Variants in TDRD9 observed in about 807,000 individuals in gnomAD.
The protein encoded by TDRD9 is tudor domain containing 9, also known as ATP-dependent RNA helicase TDRD9.
A neutral mutation model predicts 172.6 loss-of-function variants in TDRD9; 124 were observed. The observed-to-expected ratio is 0.72, with a 90% CI of 0.62 to 0.83. The LOEUF (loss-of-function observed/expected upper bound fraction) is 0.83. TDRD9 is among the 40% of genes least tolerant of loss of function. The pLI is 0.00. For synonymous variants in TDRD9, 619 were observed against 617.1 expected, an observed-to-expected ratio of 1.00 and a Z score of -0.05; for missense variants, 1,479 against 1,714.1, an observed-to-expected ratio of 0.86 and a Z score of 2.42.
At chr14:103,934,466 G>A (rs959887589) in intron 1 of TDRD9, among the ~76,000 whole-genome samples, 2 of 151,886 alleles carry the variant, frequency 1.3e-5, no homozygotes, top group Non-Finnish European at 1.5e-5. Flanking sequence ...GTGTGGTCAC[G>A]GAGCTAACAG....
chr14:103,984,555 G>A (rs34288430), intron 7 of TDRD9, among the ~76,000 whole-genome samples: 34,140 of 152,178 alleles, frequency 0.22, 4,790 homozygotes, highest in South Asian at 0.44. Flanking sequence ...CAAGAATTGG[G>A]GTTTGGGAAC....
At position 103,986,226 on chromosome 14, in the gene TDRD9, C is replaced by T; in HGVS notation, c.1021C>T (p.His341Tyr). Residue 341 changes from histidine to tyrosine, a missense_variant, in exon 8 of 36, where the codon CAT becomes TAT. Physicochemically the swap from His to Tyr is moderately conservative, Grantham distance 83 (BLOSUM62 2). Transcript: ENST00000409874. ...CTTTCACTGTTTTTAGCTCTCTCCTCATCTCCTGGAGGAACCGGTGATAAC... is the reference window on the plus strand; with the variant it reads ...CTTTCACTGTTTTTAGCTCTCTCCTTATCTCCTGGAGGAACCGGTGATAAC... ...EHIHHSKLSPHLLEEPVITKD... is the reference protein window; with the variant it reads ...EHIHHSKLSPYLLEEPVITKD... 5 of 1,612,268 alleles carry T rather than the reference C, an allele frequency of 3.1e-6. No homozygotes were observed. Among genetic ancestry groups the T allele is most frequent in the Non-Finnish European group, 4.2e-6 (5 of 1,179,300 alleles).
chr14:104,005,059 C>G (rs2034390670), intron 14 of TDRD9: 1 of 381,484 alleles, frequency 2.6e-6, no homozygotes, highest in Non-Finnish European at 4.6e-6. Flanking sequence ...TTTCTTCCTT[C>G]TCTCTCCCCA....
At chr14:104,048,661 C>A (rs753035608) in intron 34 of TDRD9, among the ~76,000 whole-genome samples, 1 of 152,098 alleles carries the variant, frequency 6.6e-6, no homozygotes, top group African/African-American at 2.4e-5. Flanking sequence ...CGTGTGTGCA[C>A]CCCTCCATCA....
chr14:104,011,379 T>C (rs185455638), intron 20 of TDRD9, among the ~76,000 whole-genome samples: 71 of 152,344 alleles, frequency 4.7e-4, no homozygotes, highest in African/African-American at 1.7e-3. Flanking sequence ...CACAATACTA[T>C]GAGATGTTGT....
intron 6 of TDRD9, among the ~76,000 whole-genome samples, chr14:103,971,827 GC>G (rs2033046174): frequency 6.6e-6 from 1 of 152,088 alleles, no homozygotes; most frequent in South Asian, 2.1e-4. Flanking sequence ...TTTGAGCTTT[GC>G]TTTTGGTTGA....
intron 1 of TDRD9, among the ~76,000 whole-genome samples, chr14:103,938,382 ATGTGTGTGTGTGTGTGTG>A (rs71126086): frequency 1.3e-4 from 5 of 38,590 alleles, no homozygotes; most frequent in Non-Finnish European, 9.5e-5. Flanking sequence ...TGCCCCATAT[ATGTGTGTGTGTGTGTGTG>A]TGTGTGTGTG....
chr14:103,976,696 T>G (rs2152170190), intron 7 of TDRD9, among the ~76,000 whole-genome samples: 1 of 152,326 alleles, frequency 6.6e-6, no homozygotes, highest in East Asian at 1.9e-4. Context: ...TACCCAGTAG[T>G]AGGATGGCTA....
intron 13 of TDRD9, among the ~76,000 whole-genome samples, chr14:104,001,464 A>G (rs1238087927): frequency 6.6e-6 from 1 of 152,182 alleles, no homozygotes; most frequent in Non-Finnish European, 1.5e-5. Context: ...GTTTAAGGAC[A>G]TTTGAGGTTT....
intron 34 of TDRD9, among the ~76,000 whole-genome samples, chr14:104,046,936 G>A (rs1008246205): frequency 5.9e-5 from 9 of 152,294 alleles, no homozygotes; most frequent in Admixed American, 1.3e-4. Context: ...GTGAGCCACC[G>A]CACCTGGCCT....
At chr14:103,961,340 A>C (rs2032497903) in intron 2 of TDRD9, among the ~76,000 whole-genome samples, 1 of 152,140 alleles carries the variant, frequency 6.6e-6, no homozygotes, top group Non-Finnish European at 1.5e-5. Context: ...CAGCAATTTG[A>C]GAGGCCGAGA....
chr14:104,026,724 C>G lies in TDRD9; in HGVS notation c.3067C>G (p.Leu1023Val), dbSNP rs1362597661. 3 of 1,613,878 alleles carry G rather than the reference C, an allele frequency of 1.9e-6. No individual in the cohort carries two copies. Among genetic ancestry groups the G allele is most frequent in the African/African-American group, 1.3e-5 (1 of 74,918 alleles). Residue 1023 changes from leucine to valine, a missense_variant, in exon 28 of 36, where the codon CTT (leucine) becomes GTT (valine). Leu to Val is a conservative substitution (Grantham distance 32). Coordinates refer to ENST00000409874, the MANE Select transcript of TDRD9 (RefSeq NM_153046.3). ...CAAAATGAGACCATCAGCAAAGTCT[C>G]TTGTTTGTGGCAAGCACTGGAGTGA... ...ICKMRPSAKS[L>V]VCGKHWSDGA...
chr14:103,979,885 T>G (rs1453373658), intron 7 of TDRD9, among the ~76,000 whole-genome samples: 2 of 152,056 alleles, frequency 1.3e-5, no homozygotes, highest in African/African-American at 4.8e-5. Context: ...CTTTTTTTTT[T>G]TTTTCTTTGA....
intron 2 of TDRD9, among the ~76,000 whole-genome samples, chr14:103,960,457 A>G (rs2152138737): frequency 6.6e-6 from 1 of 152,356 alleles, no homozygotes; most frequent in African/African-American, 2.4e-5. Flanking sequence ...AGAAAATAAG[A>G]ATAGTCAATT....
At chr14:103,955,815 T>A in intron 2 of TDRD9, 45 bp downstream of exon 2, 2 of 1,452,018 alleles carry the variant, frequency 1.4e-6, no homozygotes, top group Non-Finnish European at 1.9e-6. Context: ...GCATGAGTGG[T>A]TCACATGCTA....
At chr14:103,935,230 A>T (rs35146098) in intron 1 of TDRD9, among the ~76,000 whole-genome samples, 39,223 of 152,164 alleles carry the variant, frequency 0.26, 5,418 homozygotes, top group Non-Finnish European at 0.32. Context: ...GAGAACTATG[A>T]CTGACACATC....
intron 34 of TDRD9, among the ~76,000 whole-genome samples, chr14:104,046,082 G>C (rs1304009894): frequency 1.3e-5 from 2 of 152,098 alleles, no homozygotes; most frequent in South Asian, 4.2e-4. Flanking sequence ...TCAGCCTCCC[G>C]AGTAGCTGGG....
rs183497117 is a variant in TDRD9 at position 103,991,681 on chromosome 14, A to G, written c.1180+457A>G. ...CCGCTGTGGCCTCCCAAAGTGCTGG[A>G]ATTACAGATGTGAGCCACTGTGCCC... On this transcript the variant is annotated intron_variant, in intron 9 of 35. Transcript: ENST00000409874. Among the ~76,000 whole-genome samples the G allele has an allele frequency of 3.0e-3, 461 of 152,200 alleles. 4 individuals carry two copies. The highest frequency in any genetic ancestry group is 5.0e-3 in the Non-Finnish European group (337 of 68,022).
chr14:103,968,956 C>T (rs1456409301), intron 5 of TDRD9, among the ~76,000 whole-genome samples: 3 of 148,434 alleles, frequency 2.0e-5, no homozygotes, highest in African/African-American at 4.9e-5. Context: ...AAAAATTAGC[C>T]GGGCATGGTG....
Sources: gnomAD v4.1 joint callset for allele counts (sites outside exome capture counted in the v4.1 genomes callset) on GRCh38, gnomAD v4.1.1 for gene constraint, MANE v1.5 for transcripts, NCBI Gene and HGNC (gene_info 2026-07-23, HGNC 2026-07-21) for gene names.